EIF4EBP2: variants seen among roughly 807,000 people sequenced by gnomAD.
EIF4EBP2 encodes eukaryotic translation initiation factor 4E-binding protein 2.
Under a neutral mutation model 10.3 loss-of-function variants are expected in EIF4EBP2, and 5 were observed. The ratio of observed to expected loss-of-function variants is 0.48; its 90% CI spans 0.25 to 1.02. EIF4EBP2 has a LOEUF of 1.02. Among genes scored for constraint, EIF4EBP2 ranks in the 50% least tolerant of loss-of-function variants. The probability of loss-of-function intolerance (pLI) is 0.15; values close to 1 mark genes in which losing one functional copy is unlikely to be tolerated. For missense variants in EIF4EBP2, 188 were observed against 162.2 expected (o/e 1.16, Z -0.86); for synonymous variants, 67 against 61.1 (o/e 1.10, Z -0.45).
chr10:70,417,199 T>C (rs1310556841), intron 1 of EIF4EBP2, among the ~76,000 whole-genome samples: 3 of 152,156 alleles, frequency 2.0e-5, no homozygotes, highest in Non-Finnish European at 4.4e-5. Flanking sequence ...TGCTACAACA[T>C]AAATGAACTT....
At chr10:70,420,940 G>A (rs1037209048) in intron 2 of EIF4EBP2, among the ~76,000 whole-genome samples, 4 of 152,028 alleles carry the variant, frequency 2.6e-5, no homozygotes, top group African/African-American at 7.3e-5. Context: ...GGCTACAGGC[G>A]CCTGCCACCA....
At position 70,427,286 on chromosome 10, in the gene EIF4EBP2, T is replaced by C. The variant is rs1407563122; in HGVS notation, c.*5539T>C. ...GGGAGGGCAGTTTCTGTCTGGACTT[T>C]GAGGTGGACTTAGTTATCCCTACAG... On this transcript the variant is annotated 3_prime_UTR_variant, in exon 3 of 3. Coordinates refer to ENST00000373218, the MANE Select transcript of EIF4EBP2 (RefSeq NM_004096.5). 1.3e-5 allele frequency: 2 copies of C among 152,258 alleles called. No individual in the cohort carries two copies. The highest frequency in any genetic ancestry group is 2.9e-5 in the Non-Finnish European group (2 of 68,044). The allele number at this position is 152,258 out of a possible 1,614,324, so 9.4% of individuals were successfully genotyped here. A position where few individuals can be genotyped will look rare whatever the true frequency, so the allele number is the denominator to read the frequency against.
chr10:70,417,023 T>C (rs975773809), intron 1 of EIF4EBP2, among the ~76,000 whole-genome samples: 1 of 152,172 alleles, frequency 6.6e-6, no homozygotes, highest in African/African-American at 2.4e-5. Context: ...TGAAAACTTG[T>C]ACGTGAATGT....
rs370910249 is a variant in EIF4EBP2 at position 70,420,058 on chromosome 10, A to C, written c.290A>C (p.Asn97Thr). Reference sequence around the variant, plus strand: ...GAAGACTCCAAAGTAGAAGTAAACAATTTGAACAACTTGAACAATCACGAC... The same window carrying C: ...GAAGACTCCAAAGTAGAAGTAAACACTTTGAACAACTTGAACAATCACGAC... ...LIEDSKVEVNNLNNLNNHDRK... is the reference protein window; with the variant it reads ...LIEDSKVEVNTLNNLNNHDRK... The change falls in exon 2 of 3, where the codon AAT (asparagine) becomes ACT (threonine). Residue 97 changes from asparagine to threonine, a missense_variant. By Grantham distance (65) the Asn-to-Thr change is moderately conservative. Transcript: ENST00000373218. The C allele has an allele frequency of 2.5e-6, 4 of 1,611,536 alleles. No homozygotes were observed. Among genetic ancestry groups the C allele is most frequent in the Non-Finnish European group, 3.4e-6 (4 of 1,179,246 alleles).
intron 1 of EIF4EBP2, among the ~76,000 whole-genome samples, 170 bp downstream of exon 1, chr10:70,404,716 C>T (rs1844950701): frequency 6.6e-6 from 1 of 152,220 alleles, no homozygotes. Context: ...CGTGTTCGCT[C>T]TTGCCCGCAG....
At chr10:70,417,282 C>CAGAGTAGGTAAAACTATATAGAGACAGA (rs1845107764) in intron 1 of EIF4EBP2, among the ~76,000 whole-genome samples, 2 of 151,452 alleles carry the variant, frequency 1.3e-5, no homozygotes, top group African/African-American at 4.9e-5. Context: ...ATGAAATGGC[C>CAGAGTAGGTAAAACTATATAGAGACAGA]AGAGTAGGTA....
At chr10:70,420,938 G>T (rs562877407) in intron 2 of EIF4EBP2, among the ~76,000 whole-genome samples, 1 of 152,224 alleles carries the variant, frequency 6.6e-6, no homozygotes, top group Admixed American at 6.5e-5. Flanking sequence ...GGGGCTACAG[G>T]CGCCTGCCAC....
chr10:70,407,717 G>C (rs1244394797), intron 1 of EIF4EBP2, among the ~76,000 whole-genome samples: 2 of 92,430 alleles, frequency 2.2e-5, no homozygotes, highest in Non-Finnish European at 4.9e-5. Context: ...CTCACCTCCC[G>C]GGCGGGGGGC....
In EIF4EBP2 at chr10:70,427,068, G is replaced by A. The variant is rs1350542850; in HGVS notation, c.*5321G>A. ...CAGCTGCTTGAAGCCAGGGCTCTTA[G>A]CCCTTTGCATTCCCCTTGAGCGAGG... On this transcript the variant is annotated 3_prime_UTR_variant, in exon 3 of 3. Transcript: ENST00000373218. 1 of 152,198 alleles carries A rather than the reference G, an allele frequency of 6.6e-6. No individual in the cohort carries two copies. Among genetic ancestry groups the A allele is most frequent in the South Asian group, 2.1e-4 (1 of 4,830 alleles). 9.4% of individuals were successfully genotyped at this position (152,198 alleles called of 1,614,324 possible). A position where few individuals can be genotyped will look rare whatever the true frequency, so the allele number is the denominator to read the frequency against.
intron 1 of EIF4EBP2, among the ~76,000 whole-genome samples, chr10:70,412,211 A>G (rs1351657792): frequency 1.3e-5 from 2 of 152,096 alleles, no homozygotes; most frequent in Non-Finnish European, 2.9e-5. Flanking sequence ...GTTTGACTTC[A>G]TGTTCTCCTT....
At position 70,404,565 on chromosome 10, in the gene EIF4EBP2, T is replaced by C. The variant is rs200484611; in HGVS notation, c.145+19T>C. On this transcript the variant is annotated intron_variant, in intron 1 of 2. Coordinates refer to ENST00000373218, the MANE Select transcript of EIF4EBP2 (RefSeq NM_004096.5). ...CCGGGAGGTGAGCGCCGGCCAGCCGTCCGCCGCGCCCGGTGTCCCGCCGCG... is the reference window on the plus strand; with the variant it reads ...CCGGGAGGTGAGCGCCGGCCAGCCGCCCGCCGCGCCCGGTGTCCCGCCGCG... 8 of 1,522,888 alleles carry C rather than the reference T, an allele frequency of 5.3e-6. No individual in the cohort carries two copies. The highest frequency in any genetic ancestry group is 1.4e-5 in the African/African-American group (1 of 69,082). 94.3% of individuals were successfully genotyped at this position (1,522,888 alleles called of 1,614,324 possible).
intron 1 of EIF4EBP2, among the ~76,000 whole-genome samples, chr10:70,405,824 C>T (rs1479903358): frequency 6.6e-6 from 1 of 152,126 alleles, no homozygotes; most frequent in Non-Finnish European, 1.5e-5. Context: ...GGGGGCTGGG[C>T]GGGCTGCCTT....
rs1049474387 is a variant in EIF4EBP2 at position 70,404,447 on chromosome 10, G to A, written c.46G>A (p.Ala16Thr). ...CGGCCACCAGCCCAGCCAGAGCCGCGCCATCCCCACCCGCACCGTGGCCAT... is the reference window on the plus strand; with the variant it reads ...CGGCCACCAGCCCAGCCAGAGCCGCACCATCCCCACCCGCACCGTGGCCAT... ...GSGHQPSQSR[A>T]IPTRTVAISD... The change falls in exon 1 of 3, where the codon GCC (alanine) becomes ACC (threonine). Residue 16 changes from alanine to threonine, a missense_variant. Coordinates refer to ENST00000373218, the MANE Select transcript of EIF4EBP2 (RefSeq NM_004096.5). 5.0e-6 allele frequency: 8 copies of A among 1,595,012 alleles called. No individual in the cohort carries two copies. The African/African-American group carries it at 9.7e-5, about 19-fold the overall frequency.
chr10:70,404,483 G>A lies in EIF4EBP2; in HGVS notation c.82G>A (p.Ala28Thr). 1.3e-6 allele frequency: 2 copies of A among 1,599,788 alleles called. No homozygotes were observed. Among genetic ancestry groups the A allele is most frequent in the Non-Finnish European group, 1.7e-6 (2 of 1,175,326 alleles). ...CCGCACCGTGGCCATCAGCGACGCC[G>A]CGCAGCTACCTCATGACTATTGCAC... ...PTRTVAISDA[A>T]QLPHDYCTTP... is the part of the protein sequence containing the mutation. The change falls in exon 1 of 3, where the codon GCG (alanine) becomes ACG (threonine). Residue 28 changes from alanine (A) to threonine (T), a missense_variant. By Grantham distance (58) the Ala-to-Thr change is moderately conservative (BLOSUM62 0). Transcript: ENST00000373218.
At chr10:70,408,322 G>A (rs11510148) in intron 1 of EIF4EBP2, among the ~76,000 whole-genome samples, 1 of 151,946 alleles carries the variant, frequency 6.6e-6, no homozygotes, top group East Asian at 1.9e-4. Context: ...GGGCGGCTTA[G>A]CCAGGATGGT....
intron 1 of EIF4EBP2, among the ~76,000 whole-genome samples, chr10:70,415,720 A>G (rs769793572): frequency 3.9e-5 from 6 of 152,256 alleles, no homozygotes; most frequent in Non-Finnish European, 8.8e-5. Context: ...GGATATGCAC[A>G]CAGAAAAACT....
chr10:70,412,452 C>T (rs1460052026), intron 1 of EIF4EBP2, among the ~76,000 whole-genome samples: 1 of 152,020 alleles, frequency 6.6e-6, no homozygotes, highest in East Asian at 1.9e-4. Context: ...TGTAAGTTAA[C>T]CATGTTATAG....
intron 1 of EIF4EBP2, among the ~76,000 whole-genome samples, chr10:70,407,959 C>T (rs1251178277): frequency 1.3e-3 from 39 of 30,908 alleles, no homozygotes; most frequent in South Asian, 0.012. Context: ...ACCTCCTGGA[C>T]GGGGCGGCTG....
intron 1 of EIF4EBP2, among the ~76,000 whole-genome samples, chr10:70,409,929 T>C (rs1845026716): frequency 6.6e-6 from 1 of 152,196 alleles, no homozygotes; most frequent in Non-Finnish European, 1.5e-5. Flanking sequence ...TATGATTGGT[T>C]CATTGGGACA....
Sources: allele counts gnomAD v4.1 joint callset (sites outside exome capture counted in the v4.1 genomes callset), GRCh38; gene constraint gnomAD v4.1.1; transcripts MANE v1.5; gene names NCBI Gene and HGNC (gene_info 2026-07-23, HGNC 2026-07-21).